Variants in FGGY observed in about 807,000 individuals in gnomAD.
FGGY encodes FGGY carbohydrate kinase domain-containing protein.
FGGY carries 72 observed loss-of-function variants against 71.3 expected under a neutral mutation model. The ratio of observed to expected loss-of-function variants is 1.01; its 90% CI spans 0.84 to 1.23. FGGY has a LOEUF of 1.23. FGGY is among the 50% of genes most tolerant of loss of function. The pLI, the probability that FGGY is intolerant of heterozygous loss-of-function variation, is 0.00. For synonymous variants in FGGY, 251 were observed against 250.3 expected (o/e 1.00, Z -0.02); for missense variants, 668 against 682.3 (o/e 0.98, Z 0.23).
At chr1:59,561,398 T>A (rs751886666) in intron 8 of FGGY, among the ~76,000 whole-genome samples, 2 of 152,174 alleles carry the variant, frequency 1.3e-5, no homozygotes, top group Non-Finnish European at 2.9e-5. Flanking sequence ...TAGGCATTGA[T>A]TCGGCGAGGA....
intron 5 of FGGY, among the ~76,000 whole-genome samples, chr1:59,446,757 C>T (rs1298906699): frequency 6.6e-6 from 1 of 152,196 alleles, no homozygotes; most frequent in Admixed American, 6.5e-5. Flanking sequence ...TTATTCTGTT[C>T]TTCACTGGCT....
intron 9 of FGGY, among the ~76,000 whole-genome samples, chr1:59,618,766 T>C (rs1475318101): frequency 6.6e-6 from 1 of 151,900 alleles, no homozygotes; most frequent in Non-Finnish European, 1.5e-5. Context: ...AGAGAGAATA[T>C]GAATGAGAAT....
At chr1:59,761,082 TTTTCA>T (rs2098337120) in intron 15 of FGGY, among the ~76,000 whole-genome samples, 1 of 152,228 alleles carries the variant, frequency 6.6e-6, no homozygotes, top group Admixed American at 6.5e-5. Flanking sequence ...TTCTAAATGC[TTTTCA>T]TTTATTTCCA....
At chr1:59,585,188 T>G (rs1007844686) in intron 8 of FGGY, among the ~76,000 whole-genome samples, 1 of 151,936 alleles carries the variant, frequency 6.6e-6, no homozygotes, top group Non-Finnish European at 1.5e-5. Flanking sequence ...TCATATGGAA[T>G]CAAAAAAGAG....
rs943193875 is a variant in FGGY at position 59,651,992 on chromosome 1, T to C, written c.1222-8227T>C. Among the ~76,000 whole-genome samples the C allele has an allele frequency of 1.7e-4, 25 of 150,642 alleles. No individual in the cohort carries two copies. In the South Asian group the frequency reaches 4.0e-3, roughly 24 times the overall value. On this transcript the variant is annotated intron_variant, in intron 11 of 15. Transcript: ENST00000303721. ...GCATTTGCTTGTCTGTAAAGTATTT[T>C]ATTTCTCCTTCACTTATGAAGCTTA...
chr1:59,620,983 C>A (rs1252308377), intron 9 of FGGY, among the ~76,000 whole-genome samples: 1 of 152,066 alleles, frequency 6.6e-6, no homozygotes, highest in African/African-American at 2.4e-5. Context: ...TATTTCCTTA[C>A]AATTTTGGAG....
chr1:59,758,530 T>C (rs1002313598), intron 15 of FGGY, among the ~76,000 whole-genome samples: 10 of 152,182 alleles, frequency 6.6e-5, no homozygotes, highest in Non-Finnish European at 8.8e-5. Context: ...AGTTCCACAA[T>C]TGAAGTATTG....
intron 6 of FGGY, among the ~76,000 whole-genome samples, chr1:59,510,055 T>TA (rs1165919104): frequency 1.3e-5 from 2 of 150,432 alleles, no homozygotes; most frequent in East Asian, 1.9e-4. Context: ...TTTTTTTTTT[T>TA]AACATACATA....
chr1:59,427,636 C>T (rs985220788), intron 5 of FGGY, among the ~76,000 whole-genome samples: 7 of 152,156 alleles, frequency 4.6e-5, no homozygotes, highest in African/African-American at 1.7e-4. Context: ...TTCCTCTGTA[C>T]CTGTCACAGA....
intron 7 of FGGY, among the ~76,000 whole-genome samples, chr1:59,532,987 A>G (rs563317115): frequency 2.0e-5 from 3 of 152,308 alleles, no homozygotes; most frequent in African/African-American, 7.2e-5. Flanking sequence ...TTAGAAAATA[A>G]AAATTTTAGG....
intron 4 of FGGY, among the ~76,000 whole-genome samples, chr1:59,363,302 G>A (rs2055956658): frequency 6.6e-6 from 1 of 152,182 alleles, no homozygotes; most frequent in African/African-American, 2.4e-5. Flanking sequence ...CGACTCTAAA[G>A]CCCCTACTCT....
At chr1:59,744,036 G>A (rs1276970844) in intron 14 of FGGY, among the ~76,000 whole-genome samples, 3 of 152,208 alleles carry the variant, frequency 2.0e-5, no homozygotes, top group Non-Finnish European at 2.9e-5. Flanking sequence ...TAGCGCTGGG[G>A]TGGAGATTGA....
At chr1:59,530,258 C>A (rs1403651766) in intron 7 of FGGY, among the ~76,000 whole-genome samples, 1 of 152,138 alleles carries the variant, frequency 6.6e-6, no homozygotes, top group Admixed American at 6.5e-5. Context: ...CCGGCTGTCA[C>A]CCAGCACTGC....
At chr1:59,424,544 T>G (rs763716665) in intron 5 of FGGY, among the ~76,000 whole-genome samples, 6 of 152,098 alleles carry the variant, frequency 3.9e-5, no homozygotes, top group Non-Finnish European at 7.4e-5. Flanking sequence ...AGACTCTGTC[T>G]CTTAAAAAAT....
At chr1:59,491,444 A>G (rs941819715) in intron 6 of FGGY, among the ~76,000 whole-genome samples, 1 of 151,410 alleles carries the variant, frequency 6.6e-6, no homozygotes, top group African/African-American at 2.4e-5. Flanking sequence ...TGGTTACATT[A>G]TTGTATTTAA....
At chr1:59,692,217 A>G (rs553912788) in intron 14 of FGGY, among the ~76,000 whole-genome samples, 3 of 152,364 alleles carry the variant, frequency 2.0e-5, no homozygotes, top group Admixed American at 6.5e-5. Context: ...TTCCAACTCT[A>G]AATCTCTGTC....
At chr1:59,535,891 A>G (rs76795167) in intron 7 of FGGY, among the ~76,000 whole-genome samples, 1 of 145,618 alleles carries the variant, frequency 6.9e-6, no homozygotes, top group East Asian at 2.0e-4. Context: ...GAAAGATCCA[A>G]AATTGACACC....
chr1:59,743,433 A>G (rs572851234), intron 14 of FGGY, among the ~76,000 whole-genome samples: 3 of 152,342 alleles, frequency 2.0e-5, no homozygotes, highest in African/African-American at 7.2e-5. Context: ...CTTGCACACA[A>G]TAAGTACTCA....
intron 8 of FGGY, among the ~76,000 whole-genome samples, chr1:59,588,830 A>T (rs1200884151): frequency 6.6e-6 from 1 of 152,220 alleles, no homozygotes; most frequent in Admixed American, 6.5e-5. Context: ...AGCCACTGGA[A>T]AATCATGCCA....
Sources: allele counts gnomAD v4.1 joint callset (sites outside exome capture counted in the v4.1 genomes callset), GRCh38; gene constraint gnomAD v4.1.1; transcripts MANE v1.5; gene names NCBI Gene and HGNC (gene_info 2026-07-23, HGNC 2026-07-21).